Variants in PCDH15 observed in about 807,000 individuals in gnomAD.
The protein encoded by PCDH15 is protocadherin related 15, also known as protocadherin-15.
A neutral mutation model predicts 178.5 loss-of-function variants in PCDH15; 129 were observed. That is an observed-to-expected ratio of 0.72 (90% CI 0.63 to 0.84). PCDH15 has a LOEUF of 0.84. Ranked by LOEUF, PCDH15 falls within the 40% of genes least tolerant of loss-of-function variation. The pLI, the probability that PCDH15 is intolerant of heterozygous loss-of-function variation, is 0.00. For synonymous variants in PCDH15, 800 were observed against 732.0 expected, an observed-to-expected ratio of 1.09 and a Z score of -1.50; for missense variants, 2,230 against 2,099.9, an observed-to-expected ratio of 1.06 and a Z score of -1.21.
chr10:54,545,289 A>G (rs969111981), intron 2 of PCDH15, among the ~76,000 whole-genome samples: 1 of 152,236 alleles, frequency 6.6e-6, no homozygotes, highest in Non-Finnish European at 1.5e-5. Context: ...AGTTATGTTA[A>G]TGATGGTAAC....
At chr10:55,243,866 G>A (rs144582553) in intron 1 of PCDH15, among the ~76,000 whole-genome samples, 2 of 152,078 alleles carry the variant, frequency 1.3e-5, no homozygotes, top group African/African-American at 2.4e-5. Context: ...GTATCTTATT[G>A]TCTCTCTGAA....
intron 3 of PCDH15, among the ~76,000 whole-genome samples, chr10:54,474,683 T>C (rs2078153014): frequency 6.6e-6 from 1 of 151,954 alleles, no homozygotes; most frequent in South Asian, 2.1e-4. Context: ...GCCTTTGAAT[T>C]ACATAATTTA....
chr10:54,263,316 C>G (rs2891510), intron 8 of PCDH15, among the ~76,000 whole-genome samples: 1 of 151,918 alleles, frequency 6.6e-6, no homozygotes, highest in Non-Finnish European at 1.5e-5. Context: ...GTGGCCATGG[C>G]ATCAGCCACT....
At chr10:54,539,650 A>G (rs2084982127) in intron 2 of PCDH15, among the ~76,000 whole-genome samples, 1 of 152,136 alleles carries the variant, frequency 6.6e-6, no homozygotes, top group Non-Finnish European at 1.5e-5. Context: ...TTTACAGGAC[A>G]CTCCATATAT....
chr10:55,258,391 G>C (rs1364932086), intron 1 of PCDH15, among the ~76,000 whole-genome samples: 2 of 152,180 alleles, frequency 1.3e-5, no homozygotes, highest in Non-Finnish European at 2.9e-5. Flanking sequence ...GAGGTGGCCA[G>C]CATATAAAGT....
At chr10:55,115,458 T>C (rs1291063891) in intron 2 of PCDH15, among the ~76,000 whole-genome samples, 1 of 152,218 alleles carries the variant, frequency 6.6e-6, no homozygotes, top group Non-Finnish European at 1.5e-5. Context: ...GCATACTATT[T>C]GGTGGACTGT....
chr10:54,964,993 C>A (rs1024263020), intron 2 of PCDH15, among the ~76,000 whole-genome samples: 8 of 152,208 alleles, frequency 5.3e-5, no homozygotes, highest in South Asian at 2.1e-4. Context: ...ACTTGAAGTA[C>A]CATTTTAAAT....
intron 18 of PCDH15, among the ~76,000 whole-genome samples, chr10:54,034,971 C>G (rs2093382393): frequency 6.6e-6 from 1 of 151,736 alleles, no homozygotes; most frequent in Admixed American, 6.6e-5. Flanking sequence ...GTAAAATAAG[C>G]CAGATTGGAG....
rs180893322 is a variant in PCDH15 at position 55,403,327 on chromosome 10, C to A, written c.-156+224298G>T. On this transcript the variant is annotated intron_variant, in intron 2 of 5. Coordinates refer to the PCDH15 transcript ENST00000613346. ...TTTTCTCCCATGTTACATGTGGTCT[C>A]TTCACTCTGCTGATTGTTTCTGTGA... Among the ~76,000 whole-genome samples, 646 of 151,822 alleles carry A rather than the reference C, an allele frequency of 4.3e-3. 3 individuals carry two copies. The highest frequency in any genetic ancestry group is 4.5e-3 in the Non-Finnish European group (306 of 67,832).
intron 5 of PCDH15, among the ~76,000 whole-genome samples, chr10:54,360,929 C>A (rs1157414730): frequency 6.6e-6 from 1 of 152,052 alleles, no homozygotes; most frequent in Non-Finnish European, 1.5e-5. Flanking sequence ...ATTAGTCTTG[C>A]TGTTATATGG....
At chr10:54,528,415 G>A in intron 2 of PCDH15, 1 of 1,571,090 alleles carries the variant, frequency 6.4e-7, no homozygotes, top group South Asian at 1.2e-5. Context: ...GGAGTCAAAA[G>A]TATAGAGTCA....
chr10:53,828,532 G>T, intron 31 of PCDH15, 33 bp downstream of exon 31: 1 of 1,523,506 alleles, frequency 6.6e-7, no homozygotes, highest in South Asian at 1.1e-5. Flanking sequence ...CCTATTACAT[G>T]AAAAGGATGT....
At chr10:55,321,070 G>T (rs549090675), upstream of PCDH15, among the ~76,000 whole-genome samples, 8 of 151,346 alleles carry the variant, frequency 5.3e-5, no homozygotes, top group African/African-American at 1.9e-4. Flanking sequence ...GATGAAAGAT[G>T]AAATGGCCAT....
chr10:54,364,873 G>T (rs1946575704), intron 5 of PCDH15, among the ~76,000 whole-genome samples: 1 of 152,144 alleles, frequency 6.6e-6, no homozygotes. Flanking sequence ...TTTTTATGTT[G>T]GTAGCTGTCG....
At chr10:53,809,036 T>C (rs781213391) in intron 37 of PCDH15, 6 of 1,605,256 alleles carry the variant, frequency 3.7e-6, no homozygotes, top group Non-Finnish European at 5.1e-6. Context: ...TTGACTTCCT[T>C]GACCTCCTCA....
chr10:54,510,817 T>C (rs2081581366), intron 3 of PCDH15, among the ~76,000 whole-genome samples: 1 of 152,198 alleles, frequency 6.6e-6, no homozygotes, highest in African/African-American at 2.4e-5. Flanking sequence ...AACCAAAGTT[T>C]CCCTTTTTTC....
chr10:54,423,871 G>T (rs1236333422), intron 3 of PCDH15, among the ~76,000 whole-genome samples: 1 of 151,804 alleles, frequency 6.6e-6, no homozygotes, highest in Non-Finnish European at 1.5e-5. Flanking sequence ...ATTCAAGATG[G>T]ATTAAAGACT....
At chr10:54,508,257 T>C (rs1048206863) in intron 3 of PCDH15, among the ~76,000 whole-genome samples, 2 of 152,024 alleles carry the variant, frequency 1.3e-5, no homozygotes, top group African/African-American at 4.8e-5. Flanking sequence ...ATACATTTAC[T>C]GAAACAGAGT....
intron 8 of PCDH15, among the ~76,000 whole-genome samples, chr10:54,305,476 A>T (rs1196738478): frequency 6.6e-6 from 1 of 152,062 alleles, no homozygotes; most frequent in Non-Finnish European, 1.5e-5. Flanking sequence ...ATGCATTGAT[A>T]GGGAAGTTTT....
Sources: gnomAD v4.1 joint callset for allele counts (sites outside exome capture counted in the v4.1 genomes callset) on GRCh38, gnomAD v4.1.1 for gene constraint, MANE v1.5 for transcripts, NCBI Gene and HGNC (gene_info 2026-07-23, HGNC 2026-07-21) for gene names.